Variants in ROR1 observed in about 807,000 individuals in gnomAD.
ROR1 encodes the protein inactive tyrosine-protein kinase transmembrane receptor ROR1.
In ROR1, 19 loss-of-function variants were observed where a neutral mutation model predicts 78.8. That is an observed-to-expected ratio of 0.24 (90% confidence interval 0.17 to 0.35). ROR1 has a LOEUF of 0.35. Ranked by LOEUF, ROR1 falls within the 10% of genes least tolerant of loss-of-function variation. The pLI is 1.00. For missense variants in ROR1, 917 were observed against 1,177.8 expected (o/e 0.78, Z 3.24); for synonymous variants, 386 against 433.6 (o/e 0.89, Z 1.36).
chr1:63,862,643 C>T (rs1645189340), intron 1 of ROR1, among the ~76,000 whole-genome samples: 1 of 152,034 alleles, frequency 6.6e-6, no homozygotes, highest in African/African-American at 2.4e-5. Flanking sequence ...CACCTTCAAG[C>T]CACATACTGC....
chr1:63,860,600 CACACAT>C (rs1322084319), intron 1 of ROR1, among the ~76,000 whole-genome samples: 41 of 150,136 alleles, frequency 2.7e-4, no homozygotes, highest in African/African-American at 9.8e-4. Context: ...CACACACACA[CACACAT>C]ACACACACAC....
At chr1:63,857,233 A>G (rs1362400025) in intron 1 of ROR1, among the ~76,000 whole-genome samples, 1 of 151,572 alleles carries the variant, frequency 6.6e-6, no homozygotes. Flanking sequence ...TTAAATTTCT[A>G]GATAATCAGT....
chr1:63,980,647 C>G (rs988075426), intron 1 of ROR1, among the ~76,000 whole-genome samples: 1 of 152,240 alleles, frequency 6.6e-6, no homozygotes, highest in Admixed American at 6.5e-5. Context: ...AGGTTGCTTT[C>G]AATCTCCTTC....
intron 1 of ROR1, among the ~76,000 whole-genome samples, chr1:63,864,363 A>G (rs553284510): frequency 6.6e-6 from 1 of 152,180 alleles, no homozygotes; most frequent in Non-Finnish European, 1.5e-5. Context: ...GTATCAGCTT[A>G]CTTGTGGCTC....
chr1:64,119,622 G>C (rs1262177759), intron 4 of ROR1, among the ~76,000 whole-genome samples: 2 of 139,176 alleles, frequency 1.4e-5, no homozygotes, highest in Non-Finnish European at 3.0e-5. Flanking sequence ...CTGGGTGACA[G>C]AGCGAGGCTC....
chr1:63,867,062 A>G (rs1025407848), intron 1 of ROR1, among the ~76,000 whole-genome samples: 1 of 152,334 alleles, frequency 6.6e-6, no homozygotes, highest in Non-Finnish European at 1.5e-5. Context: ...GCTGCCATGT[A>G]GTAGCTGCTA....
At chr1:63,924,083 G>A (rs1645679358) in intron 1 of ROR1, among the ~76,000 whole-genome samples, 1 of 152,164 alleles carries the variant, frequency 6.6e-6, no homozygotes. Flanking sequence ...CTTTGTGCAG[G>A]TTATTCCAGA....
At position 63,774,364 on chromosome 1, in the gene ROR1, T is replaced by G; in HGVS notation, c.-54T>G. Reference sequence around the variant, plus strand: ...CGGGAGCCCGGGAAGAGCCCGTGGATGTTCTGCGCGCGGCCTGGGAGCCGC... The same window carrying G: ...CGGGAGCCCGGGAAGAGCCCGTGGAGGTTCTGCGCGCGGCCTGGGAGCCGC... On this transcript the variant is annotated 5_prime_UTR_variant, in exon 1 of 9. It removes an upstream start codon present in the reference 5' UTR. Transcript: ENST00000371079. This position sits in a 1 kb window ranked among gnomAD's most constrained non-coding sequence, Gnocchi z 5.7. The G allele has an allele frequency of 8.7e-7, 1 of 1,145,892 alleles. No individual in the cohort carries two copies. The highest frequency in any genetic ancestry group is 1.1e-6 in the Non-Finnish European group (1 of 881,148). The allele number at this position is 1,145,892 out of a possible 1,614,324, so 71.0% of individuals were successfully genotyped here.
At chr1:64,135,885 T>C (rs538564530) in intron 4 of ROR1, among the ~76,000 whole-genome samples, 1 of 152,308 alleles carries the variant, frequency 6.6e-6, no homozygotes, top group East Asian at 1.9e-4. Context: ...ATGATTCTTT[T>C]AATGAATGGG....
At chr1:64,095,915 G>A (rs1647286032) in intron 4 of ROR1, among the ~76,000 whole-genome samples, 1 of 152,140 alleles carries the variant, frequency 6.6e-6, no homozygotes, top group Admixed American at 6.5e-5. Context: ...AATTGGTAGA[G>A]CCAAGATTAG....
At chr1:64,123,536 T>G (rs1168360194) in intron 4 of ROR1, among the ~76,000 whole-genome samples, 1 of 152,178 alleles carries the variant, frequency 6.6e-6, no homozygotes, top group African/African-American at 2.4e-5. Context: ...AGTGTTTTCA[T>G]CTAATAAAGA....
chr1:64,126,018 G>A (rs757518215), intron 4 of ROR1, among the ~76,000 whole-genome samples: 59 of 152,250 alleles, frequency 3.9e-4, no homozygotes, highest in Admixed American at 2.7e-3. Context: ...ATACAGTGAA[G>A]GATGCTAGAG....
At chr1:63,889,208 C>T (rs1645377666) in intron 1 of ROR1, among the ~76,000 whole-genome samples, 1 of 151,970 alleles carries the variant, frequency 6.6e-6, no homozygotes, top group Admixed American at 6.6e-5. Flanking sequence ...TCTTTTATAA[C>T]CTAATTTACA....
intron 2 of ROR1, among the ~76,000 whole-genome samples, chr1:64,013,489 A>G (rs1367988373): frequency 6.6e-6 from 1 of 152,112 alleles, no homozygotes; most frequent in Admixed American, 6.5e-5. Context: ...TCCAGCCTCT[A>G]TACCTTTGTT....
At chr1:64,118,285 T>C (rs1198944876) in intron 4 of ROR1, among the ~76,000 whole-genome samples, 1 of 152,180 alleles carries the variant, frequency 6.6e-6, no homozygotes, top group Non-Finnish European at 1.5e-5. Flanking sequence ...AATGTAAACA[T>C]TGTAAGCCTG....
intron 8 of ROR1, among the ~76,000 whole-genome samples, chr1:64,173,040 A>G (rs1484743205): frequency 6.6e-6 from 1 of 152,204 alleles, no homozygotes; most frequent in Non-Finnish European, 1.5e-5. Context: ...AAAATTTGAA[A>G]ATGAGTCTAT....
intron 4 of ROR1, among the ~76,000 whole-genome samples, chr1:64,119,638 CAAAAAAAAAAA>C (rs11338825): frequency 6.6e-5 from 5 of 75,488 alleles, no homozygotes; most frequent in Admixed American, 1.5e-4. Context: ...GGCTCCGTCT[CAAAAAAAAAAA>C]AAAAAAAAAA....
At chr1:63,971,578 A>G (rs919938530) in intron 1 of ROR1, among the ~76,000 whole-genome samples, 17 of 152,304 alleles carry the variant, frequency 1.1e-4, no homozygotes, top group African/African-American at 3.8e-4. Flanking sequence ...TGTATTACTC[A>G]GAAAGATAAA....
At chr1:63,873,944 G>C (rs1645267302) in intron 1 of ROR1, among the ~76,000 whole-genome samples, 1 of 152,088 alleles carries the variant, frequency 6.6e-6, no homozygotes, top group African/African-American at 2.4e-5. Context: ...AAAATGTTTT[G>C]CTAGAGTAGC....
Sources: gnomAD v4.1 joint callset for allele counts (sites outside exome capture counted in the v4.1 genomes callset) on GRCh38, gnomAD v4.1.1 for gene constraint, Gnocchi (gnomAD v3.1) non-coding constraint, MANE v1.5 for transcripts, NCBI Gene and HGNC (gene_info 2026-07-23, HGNC 2026-07-21) for gene names.